The following RAB40C variants were observed in gnomAD, a reference collection of about 807,000 sequenced individuals.
RAB40C encodes RAB40C, member RAS oncogene family.
In RAB40C, 8 loss-of-function variants were observed where a neutral mutation model predicts 28.1. The ratio of observed to expected loss-of-function variants is 0.28; its 90% CI spans 0.17 to 0.51. The LOEUF is 0.51. RAB40C is among the 20% of genes least tolerant of loss of function. The pLI is 0.97. For missense variants in RAB40C, 288 were observed against 405.9 expected (o/e 0.71, Z 2.50); for synonymous variants, 201 against 171.7 (o/e 1.17, Z -1.34).
chr16:619,027 T>C (rs2036654365), intron 3 of RAB40C, among the ~76,000 whole-genome samples: 1 of 111,120 alleles, frequency 9.0e-6, no homozygotes, highest in African/African-American at 3.8e-5. Context: ...TGTGCAGGTG[T>C]GGTGTACTTG....
chr16:620,483 C>G (rs1027800586), intron 3 of RAB40C, among the ~76,000 whole-genome samples: 1 of 152,198 alleles, frequency 6.6e-6, no homozygotes, highest in African/African-American at 2.4e-5. Flanking sequence ...GATTTTTCTG[C>G]AATAAACATA....
intron 5 of RAB40C, among the ~76,000 whole-genome samples, chr16:626,767 G>A (rs991700996): frequency 1.3e-5 from 2 of 152,120 alleles, no homozygotes; most frequent in Non-Finnish European, 2.9e-5. Flanking sequence ...GTGAAACCCC[G>A]TCTCTACTAA....
At chr16:622,337 G>C (rs543652868) in intron 3 of RAB40C, among the ~76,000 whole-genome samples, 1 of 152,292 alleles carries the variant, frequency 6.6e-6, no homozygotes, top group East Asian at 1.9e-4. Context: ...CAGGGCGTGC[G>C]GGTGGGAGCA....
chr16:601,994 C>T (rs558516372), intron 1 of RAB40C, among the ~76,000 whole-genome samples: 10 of 151,912 alleles, frequency 6.6e-5, no homozygotes, highest in African/African-American at 2.2e-4. Flanking sequence ...GGTGTGGTGT[C>T]GGGCACCTGT....
At chr16:624,492 C>G in intron 3 of RAB40C, 1 of 985,484 alleles carries the variant, frequency 1.0e-6, no homozygotes, top group Non-Finnish European at 1.2e-6. Flanking sequence ...TTAGTAATGT[C>G]AACCTTGTTC....
intron 1 of RAB40C, among the ~76,000 whole-genome samples, chr16:602,385 G>T (rs1330333186): frequency 6.6e-6 from 1 of 151,538 alleles, no homozygotes; most frequent in East Asian, 1.9e-4. Context: ...CTCTCAAGTA[G>T]CTAAGACCAT....
chr16:590,784 G>T (rs1044880708), intron 1 of RAB40C, among the ~76,000 whole-genome samples: 2 of 151,800 alleles, frequency 1.3e-5, no homozygotes, highest in East Asian at 3.9e-4. Context: ...AAGGTGTCAT[G>T]GGCCTGGGGA....
At chr16:624,789 TG>T (rs2036793152) in intron 3 of RAB40C, 1 of 985,342 alleles carries the variant, frequency 1.0e-6, no homozygotes, top group Admixed American at 6.1e-5. Context: ...GACAGGGCTC[TG>T]AGTGTGAGCA....
chr16:624,416 C>G, intron 3 of RAB40C: 1 of 985,470 alleles, frequency 1.0e-6, no homozygotes, highest in East Asian at 1.1e-4. Context: ...CGAAGGGTCT[C>G]CCTCAGCGAG....
chr16:599,736 C>T (rs113097297), intron 1 of RAB40C, among the ~76,000 whole-genome samples: 4 of 76,768 alleles, frequency 5.2e-5, no homozygotes, highest in Non-Finnish European at 7.6e-5. Context: ...AGCGTGGATT[C>T]GCAAGGTTTT....
chr16:601,537 C>T (rs1034909680), intron 1 of RAB40C, among the ~76,000 whole-genome samples: 1 of 152,114 alleles, frequency 6.6e-6, no homozygotes, highest in Non-Finnish European at 1.5e-5. Context: ...GCAATGTGAT[C>T]GTTGCTGGGA....
At chr16:600,588 TA>T (rs2036229495) in intron 1 of RAB40C, among the ~76,000 whole-genome samples, 1 of 152,136 alleles carries the variant, frequency 6.6e-6, no homozygotes, top group African/African-American at 2.4e-5. Flanking sequence ...CCGTCTCTAC[TA>T]AAAATTCAAA....
At chr16:589,824 GA>G (rs906282583), upstream of RAB40C, 2 of 152,338 alleles carry the variant, frequency 1.3e-5, no homozygotes, top group Non-Finnish European at 2.9e-5. Flanking sequence ...AAAGGCGGGG[GA>G]GGGGCGGTCA....
chr16:626,071 G>A lies in RAB40C; in HGVS notation c.515G>A (p.Arg172His), dbSNP rs2036823950. The change falls in exon 5 of 6, where the codon CGC becomes CAC. Residue 172 changes from arginine to histidine, a missense_variant. Arg to His is a conservative substitution (Grantham distance 29). Around this residue, in one of 3 missense-constraint regions of RAB40C, gnomAD observed 153 missense variants for 262.4 expected, o/e 0.58. Transcript: ENST00000248139. ...ATCGAGTCCTTCACGGAGCTATCCC[G>A]CATCGTGCTCATGCGGCACGGCATG... The part of the protein sequence containing the change: ...NVIESFTELS[R>H]IVLMRHGMEK... 1 of 1,613,322 alleles carries A rather than the reference G, an allele frequency of 6.2e-7. No individual in the cohort carries two copies. The highest frequency in any genetic ancestry group is 8.5e-7 in the Non-Finnish European group (1 of 1,179,980).
At chr16:615,440 G>A (rs921812479) in intron 1 of RAB40C, among the ~76,000 whole-genome samples, 5 of 152,158 alleles carry the variant, frequency 3.3e-5, no homozygotes, top group Non-Finnish European at 7.4e-5. Flanking sequence ...AAAAGTGCCC[G>A]TTTCCAAGCC....
intron 3 of RAB40C, 37 bp downstream of exon 3, chr16:618,297 G>A (rs563465988): frequency 1.3e-6 from 2 of 1,565,184 alleles, no homozygotes; most frequent in South Asian, 2.3e-5. Flanking sequence ...GCTTTTCAAA[G>A]GATGTTTCTC....
Position 590,423 on chromosome 16 carries a change from C to T in RAB40C, c.132C>T (p.Ala44=), listed in dbSNP as rs1482598319. Residue 44 remains alanine (A), a synonymous_variant, in exon 1 of 6, where the codon GCC becomes GCT. Coordinates refer to ENST00000248139, the MANE Select transcript of RAB40C (RefSeq NM_021168.5). ...LQDGAAESPY[A]YSNGIDYKTT... is the part of the protein sequence containing the mutation. ...ACGGCGCGGCAGAGTCCCCGTACGC[C>T]TACAGTAACGGTAAGGCCCGGCCCG... 2 of 1,587,660 alleles carry T rather than the reference C, an allele frequency of 1.3e-6. No individual in the cohort carries two copies. Among genetic ancestry groups the T allele is most frequent in the Admixed American group, 1.7e-5 (1 of 57,716 alleles).
chr16:589,412 G>A (rs2035941758), upstream of RAB40C: 4 of 152,404 alleles, frequency 2.6e-5, no homozygotes, highest in South Asian at 8.3e-4. Flanking sequence ...AGGCGGCACA[G>A]CCTGCGAGGG....
At chr16:592,560 G>A (rs913015861) in intron 1 of RAB40C, among the ~76,000 whole-genome samples, 1 of 152,264 alleles carries the variant, frequency 6.6e-6, no homozygotes, top group Non-Finnish European at 1.5e-5. Context: ...GCACTTGACA[G>A]TGACTGCCCC....
Sources: allele counts gnomAD v4.1 joint callset (sites outside exome capture counted in the v4.1 genomes callset), GRCh38; gene constraint gnomAD v4.1.1; regional missense constraint gnomAD v4.1.1; transcripts MANE v1.5; gene names NCBI Gene and HGNC (gene_info 2026-07-23, HGNC 2026-07-21).